C2orf80: variants seen among roughly 807,000 people sequenced by gnomAD.
C2orf80 encodes chromosome 2 open reading frame 80.
C2orf80 carries 28 observed loss-of-function variants against 30.2 expected under a neutral mutation model. The observed-to-expected ratio is 0.93, with a 90% CI of 0.69 to 1.27. C2orf80 has a LOEUF of 1.27. Ranked by LOEUF, C2orf80 falls within the 50% of genes most tolerant of loss-of-function variation. The probability of loss-of-function intolerance (pLI) is 0.00; values close to 1 mark genes in which losing one functional copy is unlikely to be tolerated. For synonymous variants in C2orf80, 80 were observed against 76.4 expected (o/e 1.05, Z -0.24); for missense variants, 220 against 231.0 (o/e 0.95, Z 0.31).
chr2:208,183,867 G>A (rs1041038800), intron 3 of C2orf80, among the ~76,000 whole-genome samples: 1 of 152,174 alleles, frequency 6.6e-6, no homozygotes, highest in Admixed American at 6.6e-5. Context: ...TAATTCCTAA[G>A]AGTTCTTGTT....
chr2:208,183,545 C>T (rs892954954), intron 3 of C2orf80, among the ~76,000 whole-genome samples: 1 of 151,992 alleles, frequency 6.6e-6, no homozygotes, highest in African/African-American at 2.4e-5. Flanking sequence ...AATGTGCTTC[C>T]AGGGGTACAG....
chr2:208,177,116 C>G (rs1696378246), intron 6 of C2orf80, among the ~76,000 whole-genome samples: 1 of 105,598 alleles, frequency 9.5e-6, no homozygotes, highest in South Asian at 3.3e-4. Context: ...TAATCAATGG[C>G]TCGATTTTAT....
chr2:208,178,702 C>T (rs1479132044), intron 6 of C2orf80, among the ~76,000 whole-genome samples: 1 of 151,972 alleles, frequency 6.6e-6, no homozygotes, highest in Admixed American at 6.6e-5. Context: ...TCGCTTGAGC[C>T]CAGGAGTTCA....
chr2:208,175,194 G>C (rs1349738080), intron 6 of C2orf80, among the ~76,000 whole-genome samples: 1 of 121,280 alleles, frequency 8.2e-6, no homozygotes, highest in Non-Finnish European at 1.7e-5. Context: ...GCTGAGGCGA[G>C]AGAATCACTT....
chr2:208,185,074 G>A (rs368155660), intron 2 of C2orf80, 42 bp from the exon 3 acceptor site: 271 of 1,492,972 alleles, frequency 1.8e-4, no homozygotes, highest in Non-Finnish European at 2.4e-4. Flanking sequence ...GGAGTGACAC[G>A]GGCTCAGTCT....
At chr2:208,181,336 A>G (rs745540160) in intron 4 of C2orf80, 31 bp from the exon 5 acceptor site, 5 of 1,433,960 alleles carry the variant, frequency 3.5e-6, no homozygotes, top group Admixed American at 1.7e-5. Flanking sequence ...CAAGTGGAAG[A>G]TTTATTCTTG....
At chr2:208,189,815 T>C (rs1485425930) in intron 1 of C2orf80, 138 bp downstream of exon 1, 3 of 649,166 alleles carry the variant, frequency 4.6e-6, no homozygotes, top group South Asian at 3.5e-5. Context: ...CCAAATTCTA[T>C]AGGAATATCA....
chr2:208,189,147 T>C (rs1209469895), intron 1 of C2orf80, among the ~76,000 whole-genome samples: 1 of 152,244 alleles, frequency 6.6e-6, no homozygotes, highest in African/African-American at 2.4e-5. Context: ...AAACATTTGT[T>C]GCTAGACTAT....
intron 4 of C2orf80, among the ~76,000 whole-genome samples, 179 bp from the exon 5 acceptor site, chr2:208,181,484 T>A (rs570395495): frequency 6.6e-6 from 1 of 152,334 alleles, no homozygotes; most frequent in East Asian, 1.9e-4. Flanking sequence ...GAATTTTTAA[T>A]CTTCCAATAA....
chr2:208,182,856 T>A, intron 4 of C2orf80, 109 bp downstream of exon 4: 1 of 894,576 alleles, frequency 1.1e-6, no homozygotes, highest in Non-Finnish European at 1.9e-6. Context: ...CCCAGTAGTG[T>A]TTTCAAATCA....
intron 6 of C2orf80, among the ~76,000 whole-genome samples, chr2:208,177,738 C>G (rs1376534136): frequency 6.6e-6 from 1 of 152,086 alleles, no homozygotes; most frequent in African/African-American, 2.4e-5. Flanking sequence ...AATGAGTGAT[C>G]AGATGGATAG....
intron 8 of C2orf80, among the ~76,000 whole-genome samples, chr2:208,170,157 C>A (rs1166706416): frequency 6.6e-6 from 1 of 152,200 alleles, no homozygotes; most frequent in Non-Finnish European, 1.5e-5. Context: ...TACCTTACAG[C>A]CTTCCAGCAT....
chr2:208,180,457 A>T (rs1436319696), intron 6 of C2orf80, among the ~76,000 whole-genome samples: 3 of 151,880 alleles, frequency 2.0e-5, no homozygotes, highest in Admixed American at 6.6e-5. Context: ...CTCAAAAAAA[A>T]AAAACAAAAC....
At chr2:208,175,429 AAGC>A (rs1696256077) in intron 6 of C2orf80, among the ~76,000 whole-genome samples, 1 of 152,168 alleles carries the variant, frequency 6.6e-6, no homozygotes, top group Non-Finnish European at 1.5e-5. Flanking sequence ...AATCAGCAAA[AAGC>A]AGTTCCCTCT....
intron 8 of C2orf80, among the ~76,000 whole-genome samples, chr2:208,169,241 G>A (rs1272396487): frequency 1.4e-5 from 2 of 138,438 alleles, no homozygotes; most frequent in Non-Finnish European, 3.2e-5. Context: ...CTTTTTGTGT[G>A]TGTGTGTGAT....
chr2:208,172,902 A>C (rs925750304), intron 6 of C2orf80, among the ~76,000 whole-genome samples: 1 of 151,950 alleles, frequency 6.6e-6, no homozygotes, highest in African/African-American at 2.4e-5. Flanking sequence ...GAATCATCTG[A>C]GGTCAGGAGT....
intron 3 of C2orf80, among the ~76,000 whole-genome samples, chr2:208,184,097 T>C (rs16840683): frequency 0.12 from 18,768 of 152,230 alleles, 1,721 homozygotes; most frequent in African/African-American, 0.25. Context: ...CATGACCAAA[T>C]GTTGCAACCG....
Position 208,180,047 on chromosome 2 carries a change from CT to C in C2orf80, c.366+697del, listed in dbSNP as rs554516420. 1.2e-3 allele frequency among the ~76,000 whole-genome samples: 187 copies of C among 151,486 alleles called. 1 individual carries two copies. The highest frequency in any genetic ancestry group is 4.3e-3 in the African/African-American group (180 of 41,476). On this transcript the variant is annotated intron_variant, in intron 6 of 8. Coordinates refer to ENST00000341287, the MANE Select transcript of C2orf80 (RefSeq NM_001099334.3). ...TAGGGAATTTGTCATGAGAATGAGC[CT>C]TGTGGATCTTGTCCTAGTTCTAGAA...
chr2:208,173,270 A>G (rs1696165377), intron 6 of C2orf80, among the ~76,000 whole-genome samples: 3 of 152,116 alleles, frequency 2.0e-5, no homozygotes. Context: ...TAAGTTTCTG[A>G]AACATAATGT....
Sources: allele counts gnomAD v4.1 joint callset (sites outside exome capture counted in the v4.1 genomes callset), GRCh38; gene constraint gnomAD v4.1.1; transcripts MANE v1.5; gene names NCBI Gene and HGNC (gene_info 2026-07-23, HGNC 2026-07-21).